RESF1: variants seen among roughly 807,000 people sequenced by gnomAD.
The protein encoded by RESF1 is retroelement silencing factor 1.
RESF1 carries 65 observed loss-of-function variants against 134.7 expected under a neutral mutation model. The ratio of observed to expected loss-of-function variants is 0.48; its 90% CI spans 0.40 to 0.59. The LOEUF (loss-of-function observed/expected upper bound fraction) is 0.59, where lower values mean the gene tolerates loss of function less well. RESF1 is among the 20% of genes least tolerant of loss of function. RESF1 has a pLI of 0.00. For synonymous variants in RESF1, 762 were observed against 702.2 expected, an observed-to-expected ratio of 1.09 and a Z score of -1.35; for missense variants, 2,274 against 2,002.7, an observed-to-expected ratio of 1.14 and a Z score of -2.59.
In RESF1 at chr12:31,959,439, G is replaced by A. The variant is rs1033072890; in HGVS notation, c.-394G>A. The A allele has an allele frequency of 1.3e-5, 2 of 152,450 alleles. No individual in the cohort carries two copies. Among genetic ancestry groups the A allele is most frequent in the African/African-American group, 4.8e-5 (2 of 41,464 alleles). The allele number at this position is 152,450 out of a possible 1,614,324, so 9.4% of individuals were successfully genotyped here. On this transcript the variant is annotated 5_prime_UTR_variant, in exon 1 of 6. Coordinates refer to ENST00000312561, the MANE Select transcript of RESF1 (RefSeq NM_018169.4). ...CACTTGACTTAAACTCTGGGGCCCG[G>A]GAGGCCGCCGGTTTTCTCCCCGCTT...
In RESF1 at chr12:31,983,605, G is replaced by A; in HGVS notation, c.2650G>A (p.Val884Ile). 1 of 1,614,080 alleles carries A rather than the reference G, an allele frequency of 6.2e-7. No individual in the cohort carries two copies. Among genetic ancestry groups the A allele is most frequent in the Non-Finnish European group, 8.5e-7 (1 of 1,179,964 alleles). ...QISQESRNST[V>I]VSSDTLQIDN... Reference sequence around the variant, plus strand: ...CTCACAGGAGTCAAGGAATAGTACTGTTGTGAGTAGTGATACATTACAGAT... The same window carrying A: ...CTCACAGGAGTCAAGGAATAGTACTATTGTGAGTAGTGATACATTACAGAT... Residue 884 changes from valine to isoleucine, a missense_variant, in exon 4 of 6, where the codon GTT becomes ATT. Val to Ile is a conservative substitution (Grantham distance 29). Transcript: ENST00000312561.
At chr12:31,987,427 CTT>C (rs58806380) in intron 5 of RESF1, 105 bp downstream of exon 5, 438 of 484,466 alleles carry the variant, frequency 9.0e-4, no homozygotes, top group Middle Eastern at 1.4e-3. Flanking sequence ...TATCCATGTT[CTT>C]TTTTTTTTTT....
intron 5 of RESF1, among the ~76,000 whole-genome samples, chr12:31,990,043 G>A (rs1940063898): frequency 6.6e-6 from 1 of 152,154 alleles, no homozygotes; most frequent in Non-Finnish European, 1.5e-5. Flanking sequence ...AGATACAAAT[G>A]GGTACGAAGA....
chr12:31,977,793 C>A (rs953131554), intron 3 of RESF1, among the ~76,000 whole-genome samples: 31 of 128,586 alleles, frequency 2.4e-4, no homozygotes, highest in Non-Finnish European at 4.4e-4. Flanking sequence ...ATTACTTTTT[C>A]TTTCTTTCTT....
chr12:31,960,617 G>A (rs1939239510), intron 1 of RESF1, among the ~76,000 whole-genome samples, 160 bp from the exon 2 acceptor site: 1 of 152,190 alleles, frequency 6.6e-6, no homozygotes. Context: ...GCCAGACCTA[G>A]TTTCTATTTC....
intron 3 of RESF1, among the ~76,000 whole-genome samples, chr12:31,973,098 C>T (rs1211933210): frequency 6.6e-6 from 1 of 152,048 alleles, no homozygotes; most frequent in African/African-American, 2.4e-5. Context: ...GTGATGGAGG[C>T]TGGCAGAGAT....
chr12:31,991,531 G>A (rs35771026), intron 5 of RESF1, among the ~76,000 whole-genome samples: 15,548 of 152,246 alleles, frequency 0.1, 1,024 homozygotes, highest in East Asian at 0.22. Flanking sequence ...GCAGTGGTTT[G>A]ACTTAGGATT....
chr12:31,986,106 C>A, intron 4 of RESF1, 149 bp downstream of exon 4: 1 of 442,578 alleles, frequency 2.3e-6, no homozygotes, highest in South Asian at 1.2e-4. Context: ...CCTGGTAAAC[C>A]AATGTTTCAT....
rs747153077 is a variant in RESF1, at chr12:31,981,861, T to C, written c.906T>C (p.Ser302=). The C allele has an allele frequency of 1.9e-6, 3 of 1,614,134 alleles. No individual in the cohort carries two copies. The highest frequency in any genetic ancestry group is 1.1e-5 in the South Asian group (1 of 91,082). Residue 302 remains serine (S), a synonymous_variant, in exon 4 of 6, where the codon TCT becomes TCC. Transcript: ENST00000312561. The stretch of plus-strand genomic sequence containing the variant: ...CTCAGCATATTACTAAACACTTGTC[T>C]ATGGAAGTTCCTCAGAGTCGAGAAA... ...QSTQHITKHL[S]MEVPQSREML...
rs1214955676 is a variant in RESF1, at chr12:31,983,424, A to C, written c.2469A>C (p.Ala823=). ...ALKVDVSGPV[A]STATSTKIFP... The stretch of plus-strand genomic sequence containing the variant: ...AAGTTGATGTTAGTGGACCAGTAGC[A>C]AGTACAGCAACATCAACCAAGATTT... The change falls in exon 4 of 6, where the codon GCA becomes GCC. Residue 823 remains alanine (A), a synonymous_variant. Transcript: ENST00000312561. The C allele has an allele frequency of 6.2e-7, 1 of 1,613,976 alleles. No homozygotes were observed. The highest frequency in any genetic ancestry group is 8.5e-7 in the Non-Finnish European group (1 of 1,180,020).
At chr12:31,967,943 G>A (rs1939435097) in intron 2 of RESF1, among the ~76,000 whole-genome samples, 1 of 152,196 alleles carries the variant, frequency 6.6e-6, no homozygotes, top group Non-Finnish European at 1.5e-5. Flanking sequence ...GCCTATTTAA[G>A]GACTGATAGG....
intron 2 of RESF1, among the ~76,000 whole-genome samples, chr12:31,969,739 TC>T (rs1281207394): frequency 4.7e-4 from 72 of 152,062 alleles, no homozygotes; most frequent in African/African-American, 1.5e-3. Context: ...CCTGGGTTCA[TC>T]CAATGCCTCA....
intron 5 of RESF1, among the ~76,000 whole-genome samples, chr12:31,988,902 C>T (rs1418536366): frequency 6.6e-6 from 1 of 151,692 alleles, no homozygotes; most frequent in Non-Finnish European, 1.5e-5. Context: ...CTATGTTGGC[C>T]AGGCTGGTCT....
chr12:31,965,581 G>A (rs2084394), intron 2 of RESF1, among the ~76,000 whole-genome samples: 93,519 of 151,948 alleles, frequency 0.62, 29,028 homozygotes, highest in East Asian at 0.78. Flanking sequence ...AACCTGGACA[G>A]CTACCCTCAA....
chr12:31,981,900 A>G lies in RESF1; in HGVS notation c.945A>G (p.Glu315=). Residue 315 remains glutamate (E), a synonymous_variant, in exon 4 of 6, where the codon GAA becomes GAG. Coordinates refer to ENST00000312561, the MANE Select transcript of RESF1 (RefSeq NM_018169.4). ...VPQSREMLSS[E]IRTSFQQQWQ... Reference sequence around the variant, plus strand: ...AGAGTCGAGAAATGCTGTCATCTGAAATAAGGACCAGCTTTCAACAGCAGT... The same window carrying G: ...AGAGTCGAGAAATGCTGTCATCTGAGATAAGGACCAGCTTTCAACAGCAGT... 1 of 1,614,182 alleles carries G rather than the reference A, an allele frequency of 6.2e-7. No homozygotes were observed. Among genetic ancestry groups the G allele is most frequent in the African/African-American group, 1.3e-5 (1 of 75,062 alleles).
Position 31,992,808 on chromosome 12 carries a change from T to C in RESF1, c.*273T>C, listed in dbSNP as rs747326881. 10 of 377,148 alleles carry C rather than the reference T, an allele frequency of 2.7e-5. No individual in the cohort carries two copies. The highest frequency in any genetic ancestry group is 8.4e-4 in the Middle Eastern group (1 of 1,188). 23.4% of individuals were successfully genotyped at this position (377,148 alleles called of 1,614,324 possible). ...ACCATTATTTTAAAAGGAATGCTTA[T>C]ACAAATCAATTTGAAATTCTACCCA... On this transcript the variant is annotated 3_prime_UTR_variant, in exon 6 of 6. Coordinates refer to ENST00000312561, the MANE Select transcript of RESF1 (RefSeq NM_018169.4).
intron 4 of RESF1, 115 bp downstream of exon 4, chr12:31,986,072 T>G (rs138757315): frequency 3.7e-6 from 2 of 535,654 alleles, no homozygotes; most frequent in Non-Finnish European, 5.9e-6. Flanking sequence ...TAATGTGTTA[T>G]GCCACTACCT....
At chr12:31,974,432 A>G (rs1939585119) in intron 3 of RESF1, among the ~76,000 whole-genome samples, 1 of 152,218 alleles carries the variant, frequency 6.6e-6, no homozygotes, top group South Asian at 2.1e-4. Flanking sequence ...TCCGGCGGCT[A>G]GAAGTCCAGG....
In RESF1 at chr12:31,981,549, A is replaced by C; in HGVS notation, c.594A>C (p.Thr198=). The part of the protein sequence containing the change: ...QSFSEQQVDW[T]QQCISKGLTY... ...TTTCAGAGCAACAGGTTGATTGGAC[A>C]CAACAGTGTATATCTAAGGGACTGA... The change falls in exon 4 of 6, where the codon ACA becomes ACC. Residue 198 remains threonine, a synonymous_variant. Coordinates refer to ENST00000312561, the MANE Select transcript of RESF1 (RefSeq NM_018169.4). 1 of 1,614,158 alleles carries C rather than the reference A, an allele frequency of 6.2e-7. No homozygotes were observed. The highest frequency in any genetic ancestry group is 8.5e-7 in the Non-Finnish European group (1 of 1,179,990).
Sources: allele counts gnomAD v4.1 joint callset (sites outside exome capture counted in the v4.1 genomes callset), GRCh38; gene constraint gnomAD v4.1.1; transcripts MANE v1.5; gene names NCBI Gene and HGNC (gene_info 2026-07-23, HGNC 2026-07-21).